OSCAR: variants seen among roughly 807,000 people sequenced by gnomAD.
OSCAR encodes the protein osteoclast-associated immunoglobulin-like receptor.
Under a neutral mutation model 27.3 loss-of-function variants are expected in OSCAR, and 25 were observed. That is an observed-to-expected ratio of 0.92 (90% CI 0.67 to 1.28). The LOEUF (loss-of-function observed/expected upper bound fraction) is 1.28, where lower values mean the gene tolerates loss of function less well. Among genes scored for constraint, OSCAR ranks in the 50% most tolerant of loss-of-function variants. OSCAR has a pLI of 0.00. For missense variants in OSCAR, 354 were observed against 355.1 expected (o/e 1.00, Z 0.03); for synonymous variants, 158 against 165.7 (o/e 0.95, Z 0.36).
chr19:54,096,270 C>A, intron 3 of OSCAR, 117 bp from the exon 4 acceptor site: 1 of 900,124 alleles, frequency 1.1e-6, no homozygotes, highest in Non-Finnish European at 1.6e-6. Flanking sequence ...CTCTTTCTGC[C>A]TCTCTTTCTC....
Position 54,099,706 on chromosome 19 carries a change from G to T in OSCAR, c.70+42C>A, listed in dbSNP as rs587607401. The T allele has an allele frequency of 4.5e-4, 724 of 1,613,840 alleles. 8 individuals are homozygous for T. The South Asian group carries it at 7.5e-3, about 17-fold the overall frequency. On this transcript the variant is annotated intron_variant, in intron 2 of 4. Transcript: ENST00000358375. ...ATAAAATCTGAGTAATTGGAAAAGG[G>T]GTGTCAGCAACAAAAGGAGAGTGGA...
In OSCAR at chr19:54,099,838, AGT is replaced by A. The variant is rs2072954758; in HGVS notation, c.38-60_38-59del. The A allele has an allele frequency of 9.0e-6, 14 of 1,556,716 alleles. No homozygotes were observed. In the African/African-American group the frequency reaches 2.0e-4, roughly 22 times the overall value. On this transcript the variant is annotated intron_variant, in intron 1 of 4. Coordinates refer to ENST00000358375, the MANE Select transcript of OSCAR (RefSeq NM_133169.6). The stretch of plus-strand genomic sequence containing the variant: ...CTTTTTTTTTTTTTGTCTGAGGCAG[AGT>A]CTCACTCTGTCGCCCAGGCTGGAGT...
At chr19:54,099,244 T>TTGTTTTTTTTTTTGTTTTTG (rs1555783357) in intron 2 of OSCAR, among the ~76,000 whole-genome samples, 1 of 133,196 alleles carries the variant, frequency 7.5e-6, no homozygotes, top group Non-Finnish European at 1.6e-5. Flanking sequence ...TTTTTTTTTT[T>TTGTTTTTTTTTTTGTTTTTG]TTTTTTTTTA....
chr19:54,100,326 G>A (rs2146312745), intron 1 of OSCAR, among the ~76,000 whole-genome samples: 1 of 152,254 alleles, frequency 6.6e-6, no homozygotes, highest in Non-Finnish European at 1.5e-5. Flanking sequence ...AAGAGTTCAG[G>A]CCCTTGAACT....
In OSCAR at chr19:54,095,259, G is replaced by A. The variant is rs148850642; in HGVS notation, c.754C>T (p.Arg252Cys). 3.7e-5 allele frequency: 59 copies of A among 1,609,352 alleles called. No individual in the cohort carries two copies. Among genetic ancestry groups the A allele is most frequent in the Non-Finnish European group, 4.6e-5 (54 of 1,178,392 alleles). Residue 252 changes from arginine to cysteine, a missense_variant, in exon 5 of 5, where the codon CGC becomes TGC. Physicochemically the swap from Arg to Cys is radical, Grantham distance 180. Transcript: ENST00000358375. ...CCAGCAGGAGCGCGGTTCTGACTGCGCCAGTCAAAAGTGACCAGCGCGCCC... is the reference window on the plus strand; with the variant it reads ...CCAGCAGGAGCGCGGTTCTGACTGCACCAGTCAAAAGTGACCAGCGCGCCC... ...SLGALVTFDW[R>C]SQNRAPAGIR...
At position 54,100,757 on chromosome 19, in the gene OSCAR, G is replaced by A. The variant is rs1254001630; in HGVS notation, c.36C>T (p.Leu12=). Reference sequence around the variant, plus strand: ...AGGGAGAAGAAAGGGGTGACTCACAGAGGGTCAGCAGCTGGAGGATCAGCA... The same window carrying A: ...AGGGAGAAGAAAGGGGTGACTCACAAAGGGTCAGCAGCTGGAGGATCAGCA... ...ALVLILQLLT[L]WPLCHTDITP... Residue 12 remains leucine, a splice_region_variant and synonymous_variant, in exon 1 of 5, where the codon CTC becomes CTT. Coordinates refer to ENST00000358375, the MANE Select transcript of OSCAR (RefSeq NM_133169.6). 3.9e-6 allele frequency: 6 copies of A among 1,552,020 alleles called. No homozygotes were observed. Among genetic ancestry groups the A allele is most frequent in the Non-Finnish European group, 5.2e-6 (6 of 1,147,194 alleles).
intron 2 of OSCAR, among the ~76,000 whole-genome samples, chr19:54,097,884 A>G (rs1600254401): frequency 6.6e-6 from 1 of 151,962 alleles, no homozygotes; most frequent in Non-Finnish European, 1.5e-5. Flanking sequence ...TACAGGTGTG[A>G]GCCACCACGC....
At chr19:54,095,614 G>A in intron 4 of OSCAR, 17 of 1,080,384 alleles carry the variant, frequency 1.6e-5, no homozygotes, top group Non-Finnish European at 2.2e-5. Context: ...CTGGAGTCCT[G>A]GGTCTGAGGG....
At position 54,095,316 on chromosome 19, in the gene OSCAR, G is replaced by A; in HGVS notation, c.697C>T (p.Leu233=). The A allele has an allele frequency of 6.3e-7, 1 of 1,580,712 alleles. No homozygotes were observed. The highest frequency in any genetic ancestry group is 8.6e-7 in the Non-Finnish European group (1 of 1,163,694). The change falls in exon 5 of 5, where the codon CTG becomes TTG. Residue 233 remains leucine (L), a synonymous_variant. Transcript: ENST00000358375. ...ATGAGGACCAGCCCGGCCAGCCCCAGGCGGACTAGGTTCCCCCGGGTGTAG... is the reference window on the plus strand; with the variant it reads ...ATGAGGACCAGCCCGGCCAGCCCCAAGCGGACTAGGTTCCCCCGGGTGTAG... ...SDYTRGNLVR[L]GLAGLVLISL...
rs199962950 is a variant in OSCAR, at chr19:54,096,337, C to CCT, written c.374-186_374-185dup. ...CTCTGCCTCCCTCTCTCTCTGCCTC[C>CCT]CTCTCTCTGCCTCCCTCTCTCTCTG... is the stretch of plus-strand genomic sequence containing the variant. On this transcript the variant is annotated intron_variant, in intron 3 of 4. Coordinates refer to ENST00000358375, the MANE Select transcript of OSCAR (RefSeq NM_133169.6). 6.5e-3 allele frequency among the ~76,000 whole-genome samples: 705 copies of CCT among 107,918 alleles called. 12 individuals are homozygous for CCT. Among genetic ancestry groups the CCT allele is most frequent in the African/African-American group, 0.024 (643 of 26,708 alleles). 70.8% of individuals were successfully genotyped at this position (107,918 alleles called of 152,430 possible).
intron 4 of OSCAR, 196 bp downstream of exon 4, chr19:54,095,676 G>A (rs946973521): frequency 6.5e-5 from 68 of 1,043,392 alleles, no homozygotes; most frequent in Non-Finnish European, 5.5e-5. Flanking sequence ...GGAGCTGGAG[G>A]ACTAGACTCC....
chr19:54,097,237 G>C (rs2072796356), intron 2 of OSCAR, 73 bp from the exon 3 acceptor site: 1 of 1,450,918 alleles, frequency 6.9e-7, no homozygotes, highest in Admixed American at 2.2e-5. Flanking sequence ...GTTGGGGAAG[G>C]AGGAAAATCA....
At chr19:54,099,244 T>TTTTTTTTTTTTTTTTTTTTGTTTTTG (rs1267618078) in intron 2 of OSCAR, among the ~76,000 whole-genome samples, 7 of 133,188 alleles carry the variant, frequency 5.3e-5, no homozygotes, top group East Asian at 2.2e-4. Flanking sequence ...TTTTTTTTTT[T>TTTTTTTTTTTTTTTTTTTTGTTTTTG]TTTTTTTTTA....
chr19:54,095,790 T>G lies in OSCAR; in HGVS notation c.655+82A>C, dbSNP rs961276554. On this transcript the variant is annotated intron_variant, in intron 4 of 4. Transcript: ENST00000358375. The stretch of plus-strand genomic sequence containing the variant: ...TCTGAAGGAGGAGAGGCTGGGGGCC[T>G]GGGCTCCTGGGTCTGAGGGCGGAGG... The G allele has an allele frequency of 1.7e-5, 27 of 1,544,408 alleles. No individual in the cohort carries two copies. The African/African-American group carries it at 2.8e-4, about 16-fold the overall frequency.
In OSCAR at chr19:54,095,344, G is replaced by C; in HGVS notation, c.669C>G (p.Ser223=). Residue 223 remains serine (S), a synonymous_variant, in exon 5 of 5, where the codon TCC becomes TCG. Coordinates refer to ENST00000358375, the MANE Select transcript of OSCAR (RefSeq NM_133169.6). ...LVISWEDSGS[S]DYTRGNLVRL... is the part of the protein sequence containing the mutation. ...GGACTAGGTTCCCCCGGGTGTAGTCGGAGGAGCCAGAGTCTGCGGGCGGAG... is the reference window on the plus strand; with the variant it reads ...GGACTAGGTTCCCCCGGGTGTAGTCCGAGGAGCCAGAGTCTGCGGGCGGAG... The C allele has an allele frequency of 1.3e-6, 2 of 1,564,932 alleles. No homozygotes were observed. The highest frequency in any genetic ancestry group is 1.7e-6 in the Non-Finnish European group (2 of 1,155,150).
At chr19:54,097,889 C>T (rs1396022846) in intron 2 of OSCAR, among the ~76,000 whole-genome samples, 2 of 152,014 alleles carry the variant, frequency 1.3e-5, no homozygotes, top group Non-Finnish European at 2.9e-5. Flanking sequence ...GTGTGAGCCA[C>T]CACGCCCAGC....
At chr19:54,097,344 A>C (rs2072802248) in intron 2 of OSCAR, among the ~76,000 whole-genome samples, 180 bp from the exon 3 acceptor site, 1 of 152,172 alleles carries the variant, frequency 6.6e-6, no homozygotes, top group African/African-American at 2.4e-5. Flanking sequence ...AACCAGGTGC[A>C]AATCAGAGGG....
rs940100399 is a variant in OSCAR at position 54,095,028 on chromosome 19, G to A, written c.*193C>T. ...GGCTTGGAAGTCTTAACCACTAATC[G>A]CGTCTTCCTTTCAGCTACTCCTTGG... On this transcript the variant is annotated 3_prime_UTR_variant, in exon 5 of 5. Coordinates refer to ENST00000358375, the MANE Select transcript of OSCAR (RefSeq NM_133169.6). 7.8e-6 allele frequency: 7 copies of A among 898,308 alleles called. No homozygotes were observed. Among genetic ancestry groups the A allele is most frequent in the Non-Finnish European group, 1.1e-5 (7 of 641,618 alleles). The allele number at this position is 898,308 out of a possible 1,614,324, so 55.6% of individuals were successfully genotyped here.
At chr19:54,097,271 CT>C in intron 2 of OSCAR, 107 bp from the exon 3 acceptor site, 1 of 1,157,732 alleles carries the variant, frequency 8.6e-7, no homozygotes, top group Non-Finnish European at 1.2e-6. Flanking sequence ...CTGCCCCTTT[CT>C]TAGCCTCAGT....
Sources: gnomAD v4.1 joint callset for allele counts (sites outside exome capture counted in the v4.1 genomes callset) on GRCh38, gnomAD v4.1.1 for gene constraint, MANE v1.5 for transcripts, NCBI Gene and HGNC (gene_info 2026-07-23, HGNC 2026-07-21) for gene names.